ANKS1B: variants seen among roughly 807,000 people sequenced by gnomAD.
The protein encoded by ANKS1B is ankyrin repeat and sterile alpha motif domain containing 1B.
In ANKS1B, 36 loss-of-function variants were observed where a neutral mutation model predicts 148.3. That is an observed-to-expected ratio of 0.24 (90% CI 0.19 to 0.32). ANKS1B has a LOEUF of 0.32. Among genes scored for constraint, ANKS1B ranks in the 10% least tolerant of loss-of-function variants. The pLI, the probability that ANKS1B is intolerant of heterozygous loss-of-function variation, is 1.00. For synonymous variants in ANKS1B, 542 were observed against 560.8 expected (o/e 0.97, Z 0.47); for missense variants, 1,157 against 1,542.6 (o/e 0.75, Z 4.19).
chr12:99,297,666 C>G (rs932075288), intron 12 of ANKS1B, among the ~76,000 whole-genome samples: 2 of 152,092 alleles, frequency 1.3e-5, no homozygotes, highest in African/African-American at 4.8e-5. Flanking sequence ...TGATTTTGTT[C>G]TACTGTGGTC....
chr12:99,217,900 T>A (rs1400255561), intron 14 of ANKS1B, among the ~76,000 whole-genome samples: 1 of 152,218 alleles, frequency 6.6e-6, no homozygotes, highest in African/African-American at 2.4e-5. Flanking sequence ...TTGTCCAAGA[T>A]GCCTCATCTA....
At chr12:99,336,213 A>G (rs1410305436) in intron 12 of ANKS1B, among the ~76,000 whole-genome samples, 1 of 152,000 alleles carries the variant, frequency 6.6e-6, no homozygotes. Context: ...TTTTAATTGG[A>G]CTACTAGATG....
intron 12 of ANKS1B, among the ~76,000 whole-genome samples, chr12:99,269,284 G>T (rs1197734134): frequency 6.6e-6 from 1 of 151,968 alleles, no homozygotes; most frequent in Non-Finnish European, 1.5e-5. Context: ...TTATTTTCAT[G>T]GTTACATTTA....
intron 8 of ANKS1B, among the ~76,000 whole-genome samples, chr12:99,742,973 A>G (rs1450143560): frequency 6.6e-6 from 1 of 152,216 alleles, no homozygotes; most frequent in East Asian, 1.9e-4. Flanking sequence ...AATGGCCATC[A>G]ATATCTTCCT....
At chr12:99,413,276 TGGGAGAGATGAAATTAAAATTAAGC>T (rs2094780314) in intron 11 of ANKS1B, among the ~76,000 whole-genome samples, 1 of 152,080 alleles carries the variant, frequency 6.6e-6, no homozygotes, top group Admixed American at 6.6e-5. Flanking sequence ...TAAAGTTAAG[TGGGAGAGATGAAATTAAAATTAAGC>T]GGGAGAGATG....
At chr12:99,344,053 T>C (rs2090314446) in intron 12 of ANKS1B, among the ~76,000 whole-genome samples, 1 of 151,994 alleles carries the variant, frequency 6.6e-6, no homozygotes, top group Admixed American at 6.6e-5. Context: ...GTTAGACCAA[T>C]GGGATTTATA....
intron 12 of ANKS1B, among the ~76,000 whole-genome samples, chr12:99,317,431 G>T (rs958406946): frequency 6.6e-6 from 1 of 152,164 alleles, no homozygotes; most frequent in African/African-American, 2.4e-5. Context: ...AAGCAATTGT[G>T]AATGGGAGTT....
intron 17 of ANKS1B, among the ~76,000 whole-genome samples, chr12:98,958,947 T>G (rs1352128369): frequency 1.3e-5 from 2 of 152,200 alleles, no homozygotes; most frequent in Non-Finnish European, 2.9e-5. Context: ...TAGGTGATGA[T>G]TATAAGTGCC....
chr12:99,520,939 G>A lies in ANKS1B; in HGVS notation c.1273-16298C>T, dbSNP rs544375087. Among the ~76,000 whole-genome samples the A allele has an allele frequency of 3.9e-5, 6 of 152,162 alleles. No individual in the cohort carries two copies. In the South Asian group the frequency reaches 1.2e-3, roughly 32 times the overall value. ...AGCCTTTAAGTAGCTGGGATTACAGGTGCCCACCACCATGCCCAGCTAATT... is the reference window on the plus strand; with the variant it reads ...AGCCTTTAAGTAGCTGGGATTACAGATGCCCACCACCATGCCCAGCTAATT... On this transcript the variant is annotated intron_variant, in intron 9 of 26. Transcript: ENST00000683438.
intron 11 of ANKS1B, among the ~76,000 whole-genome samples, chr12:99,411,948 G>A (rs1336094566): frequency 1.3e-5 from 2 of 152,190 alleles, no homozygotes; most frequent in Non-Finnish European, 2.9e-5. Context: ...ATTATCAGCT[G>A]TGTGGTCAGG....
intron 9 of ANKS1B, among the ~76,000 whole-genome samples, chr12:99,556,490 G>C (rs540403937): frequency 6.6e-6 from 1 of 151,916 alleles, no homozygotes; most frequent in Non-Finnish European, 1.5e-5. Context: ...GCTAACATTG[G>C]AATTAGTTTG....
At chr12:99,539,517 T>G (rs2097105125) in intron 9 of ANKS1B, among the ~76,000 whole-genome samples, 1 of 151,706 alleles carries the variant, frequency 6.6e-6, no homozygotes, top group Non-Finnish European at 1.5e-5. Flanking sequence ...ATAAAGGAAA[T>G]TAAAAGAATA....
chr12:99,008,224 A>G (rs6538889), intron 17 of ANKS1B, among the ~76,000 whole-genome samples: 40,153 of 151,870 alleles, frequency 0.26, 5,718 homozygotes, highest in African/African-American at 0.37. Context: ...TTATAATGAT[A>G]AACTTTGATT....
At chr12:99,716,940 T>C (rs1005639779) in intron 8 of ANKS1B, among the ~76,000 whole-genome samples, 2 of 152,132 alleles carry the variant, frequency 1.3e-5, no homozygotes, top group African/African-American at 4.8e-5. Context: ...TGGTCCAGCT[T>C]ACAGTTTCAT....
At chr12:99,336,147 C>G (rs948776311) in intron 12 of ANKS1B, among the ~76,000 whole-genome samples, 40 of 152,094 alleles carry the variant, frequency 2.6e-4, no homozygotes, top group Admixed American at 2.0e-4. Flanking sequence ...TCTTATACCT[C>G]TCTGCCATTT....
At chr12:99,189,487 T>C (rs2080340421) in intron 14 of ANKS1B, among the ~76,000 whole-genome samples, 1 of 152,218 alleles carries the variant, frequency 6.6e-6, no homozygotes, top group African/African-American at 2.4e-5. Flanking sequence ...TCAAAAAGCT[T>C]ATCTACCACG....
chr12:98,832,243 A>C, intron 17 of ANKS1B, 107 bp from the exon 18 acceptor site: 1 of 839,354 alleles, frequency 1.2e-6, no homozygotes, highest in South Asian at 1.8e-5. Context: ...TTACTCCTGC[A>C]CCATGAGATG....
chr12:99,599,967 T>C (rs979009334), intron 9 of ANKS1B, among the ~76,000 whole-genome samples: 1 of 151,746 alleles, frequency 6.6e-6, no homozygotes, highest in Non-Finnish European at 1.5e-5. Flanking sequence ...TAGTAGAAAC[T>C]GCTTTTATTG....
At chr12:99,835,653 T>G (rs1285792014) in intron 1 of ANKS1B, among the ~76,000 whole-genome samples, 1 of 152,184 alleles carries the variant, frequency 6.6e-6, no homozygotes, top group Non-Finnish European at 1.5e-5. Flanking sequence ...TTATAGCACA[T>G]CACAATTAGG....
Sources: allele counts gnomAD v4.1 joint callset (sites outside exome capture counted in the v4.1 genomes callset), GRCh38; gene constraint gnomAD v4.1.1; transcripts MANE v1.5; gene names NCBI Gene and HGNC (gene_info 2026-07-23, HGNC 2026-07-21).